Variants in PCCA observed in about 807,000 individuals in gnomAD.
PCCA encodes propionyl-CoA carboxylase alpha chain, mitochondrial.
PCCA carries 74 observed loss-of-function variants against 101.3 expected under a neutral mutation model. That is an observed-to-expected ratio of 0.73 (90% CI 0.61 to 0.89). PCCA has a LOEUF of 0.89. PCCA is among the 40% of genes least tolerant of loss of function. The probability of loss-of-function intolerance (pLI) is 0.00; values close to 1 mark genes in which losing one functional copy is unlikely to be tolerated. For missense variants in PCCA, 891 were observed against 907.0 expected (o/e 0.98, Z 0.23); for synonymous variants, 294 against 313.6 (o/e 0.94, Z 0.66).
chr13:100,355,134 G>T (rs993182046), intron 18 of PCCA, among the ~76,000 whole-genome samples: 4 of 151,696 alleles, frequency 2.6e-5, no homozygotes, highest in Admixed American at 6.6e-5. Flanking sequence ...TTCTCCTAGA[G>T]ATACAAAGTT....
intron 18 of PCCA, among the ~76,000 whole-genome samples, chr13:100,355,226 CA>C (rs894629337): frequency 8.8e-5 from 13 of 147,680 alleles, no homozygotes; most frequent in South Asian, 2.1e-4. Flanking sequence ...ATCTCAAATG[CA>C]AAAAAAAAAT....
intron 17 of PCCA, among the ~76,000 whole-genome samples, chr13:100,330,982 A>G (rs1175934951): frequency 6.6e-6 from 1 of 152,128 alleles, no homozygotes; most frequent in Non-Finnish European, 1.5e-5. Context: ...ATCAAATCAG[A>G]TTTGTATTTT....
At chr13:100,341,617 G>T (rs540963786) in intron 18 of PCCA, among the ~76,000 whole-genome samples, 7 of 152,180 alleles carry the variant, frequency 4.6e-5, no homozygotes, top group African/African-American at 1.4e-4. Context: ...AAGTTCTGTT[G>T]GACAGCATTT....
In PCCA at chr13:100,162,100, GTGTGTGTGTGTC is replaced by G. The variant is rs1312678182; in HGVS notation, c.468+4764_468+4775del. Among the ~76,000 whole-genome samples, 3 of 151,892 alleles carry G rather than the reference GTGTGTGTGTGTC, an allele frequency of 2.0e-5. No homozygotes were observed. The East Asian group carries it at 5.8e-4, about 29-fold the overall frequency. ...TCTGTATGTGTGTGTGTGTGTGTGTGTGTGTGTGTGTCTGTCTGTCTGCGTGTGCTAGAATTT... is the reference window on the plus strand; with the variant it reads ...TCTGTATGTGTGTGTGTGTGTGTGTGTGTCTGTCTGCGTGTGCTAGAATTT... On this transcript the variant is annotated intron_variant, in intron 6 of 23. Coordinates refer to ENST00000376285, the MANE Select transcript of PCCA (RefSeq NM_000282.4).
chr13:100,128,604 G>A (rs557594995), intron 4 of PCCA, among the ~76,000 whole-genome samples: 4 of 152,192 alleles, frequency 2.6e-5, no homozygotes, highest in East Asian at 1.9e-4. Flanking sequence ...AGACAAGACC[G>A]CGTGCGCAAA....
intron 16 of PCCA, among the ~76,000 whole-genome samples, chr13:100,328,944 G>A (rs907105882): frequency 4.0e-5 from 6 of 150,474 alleles, no homozygotes; most frequent in South Asian, 4.2e-4. Context: ...TGCCTGCCTC[G>A]GCCTCCCAAA....
At chr13:100,220,707 G>A (rs774733587) in intron 7 of PCCA, among the ~76,000 whole-genome samples, 2 of 152,138 alleles carry the variant, frequency 1.3e-5, no homozygotes, top group Non-Finnish European at 2.9e-5. Flanking sequence ...TATCCTTGGT[G>A]AAATGATGCC....
chr13:100,143,780 G>A (rs1434401895), intron 4 of PCCA, among the ~76,000 whole-genome samples: 2 of 151,830 alleles, frequency 1.3e-5, no homozygotes, highest in Non-Finnish European at 1.5e-5. Context: ...TTTGAGTCAG[G>A]GTCTTGCTCT....
At chr13:100,120,195 T>C (rs2049237241) in intron 4 of PCCA, among the ~76,000 whole-genome samples, 1 of 151,288 alleles carries the variant, frequency 6.6e-6, no homozygotes, top group Non-Finnish European at 1.5e-5. Context: ...TTTTTTTTTT[T>C]TGAGACAGAG....
intron 12 of PCCA, among the ~76,000 whole-genome samples, chr13:100,286,583 A>C (rs1310733419): frequency 6.6e-6 from 1 of 152,194 alleles, no homozygotes; most frequent in Non-Finnish European, 1.5e-5. Flanking sequence ...TAATTCTTTG[A>C]AACGAAATTT....
intron 21 of PCCA, chr13:100,473,324 A>G (rs2083166587): frequency 6.6e-6 from 1 of 152,048 alleles, no homozygotes; most frequent in African/African-American, 2.4e-5. Context: ...TACCTAAACA[A>G]TAGGCACAGA....
At chr13:100,520,634 CAAAAAAAAAAAA>C (rs374566196) in intron 22 of PCCA, among the ~76,000 whole-genome samples, 1 of 68,260 alleles carries the variant, frequency 1.5e-5, no homozygotes, top group Admixed American at 2.0e-4. Flanking sequence ...GACTCCGTCT[CAAAAAAAAAAAA>C]AAAAAAAAAA....
intron 12 of PCCA, among the ~76,000 whole-genome samples, chr13:100,278,384 G>A (rs895708469): frequency 2.6e-5 from 4 of 151,704 alleles, no homozygotes; most frequent in African/African-American, 9.7e-5. Context: ...TTCTGTTCTT[G>A]TGTTATCTTT....
rs573753960 is a variant in PCCA at position 100,224,520 on chromosome 13, A to AG, written c.601-11320dup. On this transcript the variant is annotated intron_variant, in intron 7 of 23. Transcript: ENST00000376285. Reference sequence around the variant, plus strand: ...CCCACAGTGCAGGGGTGGGCTGATCAGGTCCCTCAAGTGCTGCCAAAGTGG... The same window carrying AG: ...CCCACAGTGCAGGGGTGGGCTGATCAGGGTCCCTCAAGTGCTGCCAAAGTGG... Among the ~76,000 whole-genome samples, 1,091 of 152,358 alleles carry AG rather than the reference A, an allele frequency of 7.2e-3. 22 individuals carry two copies. Among genetic ancestry groups the AG allele is most frequent in the South Asian group, 0.027 (132 of 4,830 alleles).
intron 18 of PCCA, among the ~76,000 whole-genome samples, chr13:100,352,703 AT>A (rs898657262): frequency 9.7e-5 from 14 of 144,542 alleles, no homozygotes; most frequent in Middle Eastern, 3.9e-3. Context: ...CTTTTTTTGT[AT>A]TTTTTTTTTC....
chr13:100,188,291 C>CAAAAA (rs756051251), intron 6 of PCCA, among the ~76,000 whole-genome samples: 39 of 87,582 alleles, frequency 4.5e-4, no homozygotes, highest in Non-Finnish European at 7.4e-4. Flanking sequence ...GACTCTGTCT[C>CAAAAA]AAAAAAACAA....
At chr13:100,150,629 TG>T in intron 4 of PCCA, 2 of 1,253,034 alleles carry the variant, frequency 1.6e-6, no homozygotes, top group Non-Finnish European at 2.3e-6. Flanking sequence ...CCCTGTGCTG[TG>T]GACTGATTTG....
chr13:100,440,198 AT>A (rs2080259572), intron 20 of PCCA, among the ~76,000 whole-genome samples: 14 of 97,084 alleles, frequency 1.4e-4, no homozygotes, highest in East Asian at 6.2e-4. Flanking sequence ...ATATATATAT[AT>A]ATATATATAT....
chr13:100,235,271 T>C (rs1393837400), intron 7 of PCCA, among the ~76,000 whole-genome samples: 2 of 142,990 alleles, frequency 1.4e-5, no homozygotes, highest in Non-Finnish European at 1.5e-5. Flanking sequence ...AGATAAAATA[T>C]GTACCTGAAA....
Sources: allele counts gnomAD v4.1 joint callset (sites outside exome capture counted in the v4.1 genomes callset), GRCh38; gene constraint gnomAD v4.1.1; transcripts MANE v1.5; gene names NCBI Gene and HGNC (gene_info 2026-07-23, HGNC 2026-07-21).